The following UNC5D variants were observed in gnomAD, a reference collection of about 807,000 sequenced individuals.
The protein encoded by UNC5D is netrin receptor UNC5D.
A neutral mutation model predicts 105.4 loss-of-function variants in UNC5D; 39 were observed. That is an observed-to-expected ratio of 0.37 (90% CI 0.29 to 0.48). The LOEUF (loss-of-function observed/expected upper bound fraction) is 0.48, where lower values mean the gene tolerates loss of function less well. Ranked by LOEUF, UNC5D falls within the 20% of genes least tolerant of loss-of-function variation. The pLI is 0.98. For synonymous variants in UNC5D, 452 were observed against 450.4 expected (o/e 1.00, Z -0.04); for missense variants, 991 against 1,202.4 (o/e 0.82, Z 2.60).
At chr8:35,559,769 G>A (rs1331196559) in intron 2 of UNC5D, among the ~76,000 whole-genome samples, 1 of 151,902 alleles carries the variant, frequency 6.6e-6, no homozygotes, top group Non-Finnish European at 1.5e-5. Flanking sequence ...TCTCTTCCTT[G>A]CACAGTGAAG....
intron 1 of UNC5D, among the ~76,000 whole-genome samples, chr8:35,264,716 C>G (rs1295508640): frequency 7.1e-6 from 1 of 140,630 alleles, no homozygotes; most frequent in Non-Finnish European, 1.5e-5. Context: ...GGTGATGGAG[C>G]AAGACTCTGT....
chr8:35,612,025 A>C (rs1191130873), intron 4 of UNC5D, among the ~76,000 whole-genome samples: 1 of 152,258 alleles, frequency 6.6e-6, no homozygotes, highest in African/African-American at 2.4e-5. Flanking sequence ...GGACAATAAA[A>C]GTTGCCATAA....
chr8:35,371,952 T>C (rs1368144956), intron 1 of UNC5D, among the ~76,000 whole-genome samples: 1 of 152,184 alleles, frequency 6.6e-6, no homozygotes, highest in Non-Finnish European at 1.5e-5. Flanking sequence ...GGGTGGGTTA[T>C]GGGGGAATCA....
chr8:35,258,588 A>G (rs1804241013), intron 1 of UNC5D, among the ~76,000 whole-genome samples: 1 of 152,184 alleles, frequency 6.6e-6, no homozygotes, highest in South Asian at 2.1e-4. Context: ...AGGATTAAGC[A>G]AATTAATATA....
chr8:35,603,818 G>C (rs1399555613), intron 4 of UNC5D, among the ~76,000 whole-genome samples: 1 of 151,976 alleles, frequency 6.6e-6, no homozygotes, highest in Non-Finnish European at 1.5e-5. Context: ...TGTCTCTTTT[G>C]ATCTTTGTTG....
intron 1 of UNC5D, among the ~76,000 whole-genome samples, chr8:35,479,611 T>TA (rs1051078151): frequency 6.6e-6 from 1 of 152,168 alleles, no homozygotes; most frequent in African/African-American, 2.4e-5. Context: ...CACAGCCGTA[T>TA]AAAAGAATGA....
At chr8:35,303,606 T>G (rs1433125007) in intron 1 of UNC5D, among the ~76,000 whole-genome samples, 1 of 152,196 alleles carries the variant, frequency 6.6e-6, no homozygotes, top group African/African-American at 2.4e-5. Flanking sequence ...GCAGAAGTTG[T>G]GTAGTAATGA....
At chr8:35,680,987 G>A (rs948878736) in intron 4 of UNC5D, among the ~76,000 whole-genome samples, 2 of 152,150 alleles carry the variant, frequency 1.3e-5, no homozygotes, top group Non-Finnish European at 2.9e-5. Flanking sequence ...TGGAGGTGGA[G>A]CAAAAAAGTT....
At chr8:35,371,127 T>A (rs1802404660) in intron 1 of UNC5D, among the ~76,000 whole-genome samples, 1 of 151,964 alleles carries the variant, frequency 6.6e-6, no homozygotes, top group Admixed American at 6.6e-5. Flanking sequence ...GCAGGAGGAT[T>A]ATTTGAATCC....
intron 16 of UNC5D, among the ~76,000 whole-genome samples, chr8:35,784,913 A>C (rs1396116480): frequency 6.6e-6 from 1 of 152,206 alleles, no homozygotes; most frequent in East Asian, 1.9e-4. Context: ...CAATGCATAA[A>C]AAAGTTAACA....
chr8:35,587,308 T>G (rs1341285856), intron 3 of UNC5D, among the ~76,000 whole-genome samples: 1 of 152,098 alleles, frequency 6.6e-6, no homozygotes, highest in Non-Finnish European at 1.5e-5. Context: ...ACACACAATG[T>G]GTGTGTAAAG....
chr8:35,409,766 A>G (rs2128956853), intron 1 of UNC5D, among the ~76,000 whole-genome samples: 1 of 152,028 alleles, frequency 6.6e-6, no homozygotes, highest in Non-Finnish European at 1.5e-5. Context: ...GTTTTTCCCT[A>G]TGATCATGCC....
chr8:35,442,930 A>G (rs1807528761), intron 1 of UNC5D, among the ~76,000 whole-genome samples: 1 of 149,602 alleles, frequency 6.7e-6, no homozygotes, highest in South Asian at 2.1e-4. Context: ...ACACACACAC[A>G]CACACAACAC....
chr8:35,514,625 T>C lies in UNC5D; in HGVS notation c.104-34667T>C, dbSNP rs555892805. 3.5e-4 allele frequency among the ~76,000 whole-genome samples: 54 copies of C among 152,354 alleles called. No homozygotes were observed. The South Asian group carries it at 8.7e-3, about 25-fold the overall frequency. On this transcript the variant is annotated intron_variant, in intron 1 of 16. Transcript: ENST00000404895. ...GTATAGCTTTGAACATTGCTTTATG[T>C]TGTTTGAATTTAGCATTTCTCTGGC...
chr8:35,750,624 C>A lies in UNC5D; in HGVS notation c.1978C>A (p.Leu660Ile). The change falls in exon 13 of 17, where the codon CTT (leucine) becomes ATT (isoleucine). Residue 660 changes from leucine (L) to isoleucine (I), a missense_variant. Transcript: ENST00000404895. ...VEDESTSCYC[L>I]LDPFACHVLL... ...AGATGAATCTACATCCTGTTACTGC[C>A]TTTTGGACCCCTTTGCGTGTCATGT... The A allele has an allele frequency of 6.2e-7, 1 of 1,614,062 alleles. No individual in the cohort carries two copies. Among genetic ancestry groups the A allele is most frequent in the Non-Finnish European group, 8.5e-7 (1 of 1,180,018 alleles).
At chr8:35,374,186 C>T (rs7006157) in intron 1 of UNC5D, among the ~76,000 whole-genome samples, 36 of 152,064 alleles carry the variant, frequency 2.4e-4, no homozygotes, top group African/African-American at 7.5e-4. Context: ...TAAACTATTC[C>T]TTTGCTGTTT....
chr8:35,789,877 G>A (rs928034639), intron 16 of UNC5D, among the ~76,000 whole-genome samples: 2 of 148,768 alleles, frequency 1.3e-5, no homozygotes, highest in Admixed American at 1.3e-4. Context: ...AGCATGTCAA[G>A]GGGATAGTCA....
chr8:35,595,019 T>C (rs1563570500), intron 3 of UNC5D, among the ~76,000 whole-genome samples: 1 of 152,320 alleles, frequency 6.6e-6, no homozygotes, highest in Non-Finnish European at 1.5e-5. Context: ...ATAGATTTTG[T>C]TGTGGTTGAA....
intron 1 of UNC5D, among the ~76,000 whole-genome samples, chr8:35,346,904 C>T (rs1811844515): frequency 6.6e-6 from 1 of 151,680 alleles, no homozygotes. Flanking sequence ...AATGATTTTC[C>T]CTTTTTGTTT....
Sources: gnomAD v4.1 joint callset for allele counts (sites outside exome capture counted in the v4.1 genomes callset) on GRCh38, gnomAD v4.1.1 for gene constraint, MANE v1.5 for transcripts, NCBI Gene and HGNC (gene_info 2026-07-23, HGNC 2026-07-21) for gene names.